NALCN: variants seen among roughly 807,000 people sequenced by gnomAD.
NALCN encodes sodium leak channel NALCN.
A neutral mutation model predicts 225.3 loss-of-function variants in NALCN; 111 were observed. The ratio of observed to expected loss-of-function variants is 0.49; its 90% CI spans 0.42 to 0.58. NALCN has a LOEUF of 0.58. Ranked by LOEUF, NALCN falls within the 20% of genes least tolerant of loss-of-function variation. NALCN has a pLI of 0.00. For missense variants in NALCN, 1,378 were observed against 2,202.4 expected (o/e 0.63, Z 7.49); for synonymous variants, 764 against 769.0 (o/e 0.99, Z 0.11).
chr13:101,267,100 A>T (rs1453301754), intron 10 of NALCN, among the ~76,000 whole-genome samples: 1 of 152,198 alleles, frequency 6.6e-6, no homozygotes, highest in Non-Finnish European at 1.5e-5. Flanking sequence ...ACGCCCTATC[A>T]GTGGCTGGCT....
At chr13:101,354,398 C>A (rs552135197) in intron 6 of NALCN, among the ~76,000 whole-genome samples, 2 of 152,252 alleles carry the variant, frequency 1.3e-5, no homozygotes, top group African/African-American at 4.8e-5. Flanking sequence ...CACTGATCAG[C>A]TCCAAACTGA....
chr13:101,068,891 G>A (rs1466736237), intron 37 of NALCN, 64 bp from the exon 38 acceptor site: 2 of 1,477,332 alleles, frequency 1.4e-6, no homozygotes, highest in Non-Finnish European at 1.8e-6. Context: ...TCTTTTAGCT[G>A]ACTATAGTTA....
At chr13:101,062,863 A>G (rs1305113036) in intron 40 of NALCN, among the ~76,000 whole-genome samples, 3 of 152,286 alleles carry the variant, frequency 2.0e-5, no homozygotes, top group Admixed American at 6.5e-5. Flanking sequence ...TCAGCCTCCC[A>G]AAGAGCTGGG....
intron 3 of NALCN, 100 bp from the exon 4 acceptor site, chr13:101,378,753 A>G (rs916590737): frequency 1.2e-5 from 12 of 987,226 alleles, no homozygotes; most frequent in African/African-American, 1.6e-5. Flanking sequence ...AAAGCTATCT[A>G]CAATTTTTGT....
At chr13:101,063,672 G>A (rs901647322) in intron 40 of NALCN, among the ~76,000 whole-genome samples, 1 of 151,998 alleles carries the variant, frequency 6.6e-6, no homozygotes, top group Non-Finnish European at 1.5e-5. Context: ...AGTGGGAGGT[G>A]AAATTGATAA....
chr13:101,157,261 G>T (rs1043003152), intron 15 of NALCN, among the ~76,000 whole-genome samples: 13 of 152,124 alleles, frequency 8.5e-5, no homozygotes, highest in Non-Finnish European at 1.9e-4. Flanking sequence ...TGCTCTTCTT[G>T]CTGAGAGAGC....
intron 27 of NALCN, among the ~76,000 whole-genome samples, chr13:101,097,065 C>T (rs1396988812): frequency 6.6e-6 from 1 of 152,156 alleles, no homozygotes; most frequent in African/African-American, 2.4e-5. Flanking sequence ...CCTTCTTGGC[C>T]CAAGTCTCCA....
intron 7 of NALCN, among the ~76,000 whole-genome samples, chr13:101,309,380 T>C (rs1213589612): frequency 6.6e-6 from 1 of 152,206 alleles, no homozygotes; most frequent in Non-Finnish European, 1.5e-5. Flanking sequence ...GGCAAGTTTT[T>C]GCAAGTGCTT....
intron 37 of NALCN, 95 bp from the exon 38 acceptor site, chr13:101,068,922 A>G: frequency 7.8e-7 from 1 of 1,287,364 alleles, no homozygotes; most frequent in Non-Finnish European, 1.0e-6. Context: ...TCCTAAACAT[A>G]TAGCATATAA....
intron 15 of NALCN, among the ~76,000 whole-genome samples, chr13:101,159,381 A>G (rs774922334): frequency 2.7e-4 from 41 of 152,320 alleles, no homozygotes; most frequent in Non-Finnish European, 5.3e-4. Flanking sequence ...GGTACATGGT[A>G]GACCCAGCTC....
At chr13:101,097,737 T>C (rs992063041) in intron 27 of NALCN, among the ~76,000 whole-genome samples, 2 of 152,162 alleles carry the variant, frequency 1.3e-5, no homozygotes, top group Admixed American at 6.5e-5. Flanking sequence ...CCTTTTGTGG[T>C]TTCTCACTTC....
At chr13:101,193,022 A>G (rs1162629278) in intron 13 of NALCN, among the ~76,000 whole-genome samples, 1 of 152,138 alleles carries the variant, frequency 6.6e-6, no homozygotes, top group Admixed American at 6.6e-5. Context: ...GGATGGACTG[A>G]GACCAAGACA....
chr13:101,216,407 TG>T, intron 13 of NALCN, among the ~76,000 whole-genome samples: 1 of 152,178 alleles, frequency 6.6e-6, no homozygotes, highest in Middle Eastern at 3.4e-3. Context: ...TGATTCTCCA[TG>T]GGAGAGTGAG....
intron 13 of NALCN, among the ~76,000 whole-genome samples, chr13:101,217,607 T>G (rs1301630187): frequency 6.6e-6 from 1 of 152,170 alleles, no homozygotes; most frequent in Non-Finnish European, 1.5e-5. Flanking sequence ...TGCTTACAGA[T>G]CCCACTGCAC....
chr13:101,092,009 G>A lies in NALCN; in HGVS notation c.3270-2043C>T, dbSNP rs538638825. Among the ~76,000 whole-genome samples the A allele has an allele frequency of 5.9e-5, 9 of 152,218 alleles. 1 individual carries two copies. Among genetic ancestry groups the A allele is most frequent in the Admixed American group, 2.6e-4 (4 of 15,288 alleles). ...CTTATGCTTTCTTCATGCTAGCAAAGTTGCAAAGTTTGAAACTTTACCTGT... is the reference window on the plus strand; with the variant it reads ...CTTATGCTTTCTTCATGCTAGCAAAATTGCAAAGTTTGAAACTTTACCTGT... On this transcript the variant is annotated intron_variant, in intron 28 of 43. Transcript: ENST00000251127.
chr13:101,132,304 T>C (rs761032870), intron 17 of NALCN, among the ~76,000 whole-genome samples: 1 of 152,070 alleles, frequency 6.6e-6, no homozygotes, highest in Non-Finnish European at 1.5e-5. Context: ...GGTTTTTTTG[T>C]GGTTATTTTC....
At chr13:101,290,911 C>A (rs1016806647) in intron 9 of NALCN, among the ~76,000 whole-genome samples, 2 of 152,046 alleles carry the variant, frequency 1.3e-5, no homozygotes, top group Non-Finnish European at 2.9e-5. Flanking sequence ...TTTATATTTT[C>A]TCTCTCTTTT....
intron 17 of NALCN, among the ~76,000 whole-genome samples, chr13:101,129,026 C>T (rs577550206): frequency 6.9e-4 from 105 of 152,292 alleles, no homozygotes; most frequent in African/African-American, 2.4e-3. Flanking sequence ...ATTCTTCCAT[C>T]GAAAGGAACA....
At chr13:101,200,476 C>T (rs776164913) in intron 13 of NALCN, among the ~76,000 whole-genome samples, 5 of 152,114 alleles carry the variant, frequency 3.3e-5, no homozygotes, top group Non-Finnish European at 7.4e-5. Context: ...CTGTATTTTC[C>T]GGTTATAAGT....
Sources: allele counts gnomAD v4.1 joint callset (sites outside exome capture counted in the v4.1 genomes callset), GRCh38; gene constraint gnomAD v4.1.1; transcripts MANE v1.5; gene names NCBI Gene and HGNC (gene_info 2026-07-23, HGNC 2026-07-21).